Variants in COL4A1 observed in about 807,000 individuals in gnomAD.
COL4A1 encodes the protein collagen type IV alpha 1 chain.
In COL4A1, 40 loss-of-function variants were observed where a neutral mutation model predicts 216.6. The ratio of observed to expected loss-of-function variants is 0.18; its 90% CI spans 0.14 to 0.24. The LOEUF is 0.24. Ranked by LOEUF, COL4A1 falls within the 10% of genes least tolerant of loss-of-function variation. The probability of loss-of-function intolerance (pLI) is 1.00; values close to 1 mark genes in which losing one functional copy is unlikely to be tolerated. For synonymous variants in COL4A1, 839 were observed against 810.7 expected (o/e 1.03, Z -0.59); for missense variants, 1,628 against 2,196.8 (o/e 0.74, Z 5.18).
chr13:110,210,093 G>T, intron 9 of COL4A1, 36 bp downstream of exon 9: 1 of 1,613,842 alleles, frequency 6.2e-7, no homozygotes, highest in Non-Finnish European at 8.5e-7. Flanking sequence ...GGAGGGTGAG[G>T]TGGCACATGT....
Position 110,279,996 on chromosome 13 carries a change from C to T in COL4A1, c.84+26948G>A, listed in dbSNP as rs1883566907. The stretch of plus-strand genomic sequence containing the variant: ...CAGTGTCTGCACATTACTGAATTCA[C>T]TTTGATTCTCCCTTCCTGATATTCC... On this transcript the variant is annotated intron_variant, in intron 1 of 51. Coordinates refer to ENST00000375820, the MANE Select transcript of COL4A1 (RefSeq NM_001845.6). 2.0e-5 allele frequency among the ~76,000 whole-genome samples: 3 copies of T among 152,216 alleles called. No homozygotes were observed. In the South Asian group the frequency reaches 6.2e-4, roughly 31 times the overall value.
rs1879811650 is a variant in COL4A1 at position 110,211,808 on chromosome 13, A to T, written c.441+61T>A. On this transcript the variant is annotated intron_variant, in intron 7 of 51. Transcript: ENST00000375820. The surrounding 1 kb of genome is among the most constrained non-coding windows in gnomAD (Gnocchi z 4.3). ...AAAGAAAGAAAGAAAAGGAAATGGAATGAAAAGAGAGAAGTCATAACTAAA... is the reference window on the plus strand; with the variant it reads ...AAAGAAAGAAAGAAAAGGAAATGGATTGAAAAGAGAGAAGTCATAACTAAA... 6 of 1,574,088 alleles carry T rather than the reference A, an allele frequency of 3.8e-6. No homozygotes were observed. The Admixed American group carries it at 6.7e-5, about 18-fold the overall frequency.
intron 2 of COL4A1, among the ~76,000 whole-genome samples, chr13:110,218,585 A>G (rs1880209340): frequency 1.3e-5 from 2 of 152,326 alleles, no homozygotes; most frequent in African/African-American, 2.4e-5. Flanking sequence ...GAACTAGCCA[A>G]TTGCATAACA....
chr13:110,194,341 A>T (rs1878779074), intron 22 of COL4A1, among the ~76,000 whole-genome samples: 1 of 152,242 alleles, frequency 6.6e-6, no homozygotes, highest in Non-Finnish European at 1.5e-5. Context: ...GATTTGAGGG[A>T]CAGCCTCCTA....
intron 1 of COL4A1, among the ~76,000 whole-genome samples, chr13:110,251,993 T>C (rs1882092615): frequency 6.6e-6 from 1 of 152,340 alleles, no homozygotes; most frequent in Admixed American, 6.5e-5. Flanking sequence ...CAACTGGGCA[T>C]AAGTGTCTTC....
intron 1 of COL4A1, among the ~76,000 whole-genome samples, chr13:110,278,986 A>G (rs1353802425): frequency 6.6e-6 from 1 of 152,140 alleles, no homozygotes; most frequent in East Asian, 1.9e-4. Flanking sequence ...GCCCAACTTC[A>G]TCTCATCTGC....
At chr13:110,209,267 G>T in intron 11 of COL4A1, 125 bp downstream of exon 11, 1 of 762,272 alleles carries the variant, frequency 1.3e-6, no homozygotes, top group Non-Finnish European at 2.2e-6. Context: ...TAAAGGTATA[G>T]TTAGATATAG....
rs376047315 is a variant in COL4A1 at position 110,169,662 on chromosome 13, C to T, written c.3843G>A (p.Gly1281=). 3.7e-6 allele frequency: 6 copies of T among 1,613,990 alleles called. No individual in the cohort carries two copies. Among genetic ancestry groups the T allele is most frequent in the Middle Eastern group, 1.6e-4 (1 of 6,084 alleles). Residue 1281 remains glycine (G), a synonymous_variant, in exon 43 of 52, where the codon GGG becomes GGA. Coordinates refer to ENST00000375820, the MANE Select transcript of COL4A1 (RefSeq NM_001845.6). ...CCTGGAATCCAGGGTCTCCCTTGGG[C>T]CCTGGGACACCGGGTGCTCCTGGCC... is the stretch of plus-strand genomic sequence containing the variant. ...PGWPGAPGVP[G]PKGDPGFQGM...
At chr13:110,152,783 AAAG>A (rs1237451278) in intron 50 of COL4A1, among the ~76,000 whole-genome samples, 4 of 152,214 alleles carry the variant, frequency 2.6e-5, no homozygotes, top group African/African-American at 9.6e-5. Context: ...ATTAGAGTTT[AAAG>A]AAGAGCTCAC....
At chr13:110,159,110 A>C (rs1876941325) in intron 49 of COL4A1, among the ~76,000 whole-genome samples, 1 of 152,174 alleles carries the variant, frequency 6.6e-6, no homozygotes, top group East Asian at 1.9e-4. Context: ...CAGTGGTAAT[A>C]ATTTCAGTTT....
intron 1 of COL4A1, among the ~76,000 whole-genome samples, chr13:110,300,087 G>A (rs889301862): frequency 6.6e-6 from 1 of 152,228 alleles, no homozygotes; most frequent in South Asian, 2.1e-4. Flanking sequence ...TATTAGAGAT[G>A]TAATAGCCAA....
At chr13:110,180,732 G>C (rs574212692) in intron 29 of COL4A1, among the ~76,000 whole-genome samples, 1 of 152,246 alleles carries the variant, frequency 6.6e-6, no homozygotes, top group African/African-American at 2.4e-5. Context: ...TTCTCAAGCC[G>C]GGGCAATCTG....
At chr13:110,294,430 T>C (rs1884193299) in intron 1 of COL4A1, among the ~76,000 whole-genome samples, 1 of 152,234 alleles carries the variant, frequency 6.6e-6, no homozygotes, top group South Asian at 2.1e-4. Context: ...CTCCCTCCCA[T>C]TCCTCCATCT....
At chr13:110,276,263 G>T (rs1383359288) in intron 1 of COL4A1, among the ~76,000 whole-genome samples, 1 of 152,134 alleles carries the variant, frequency 6.6e-6, no homozygotes, top group Admixed American at 6.5e-5. Flanking sequence ...ACCTGCATGT[G>T]TACCACCCCA....
At chr13:110,276,906 A>C (rs1883453074) in intron 1 of COL4A1, among the ~76,000 whole-genome samples, 1 of 152,190 alleles carries the variant, frequency 6.6e-6, no homozygotes, top group Non-Finnish European at 1.5e-5. Context: ...ATATTCTAGA[A>C]GTTTTTGAAT....
At chr13:110,250,375 C>T (rs921988776) in intron 1 of COL4A1, among the ~76,000 whole-genome samples, 9 of 152,164 alleles carry the variant, frequency 5.9e-5, no homozygotes, top group East Asian at 1.9e-4. Context: ...AGAAACCACA[C>T]GCCTTGAGGA....
intron 2 of COL4A1, among the ~76,000 whole-genome samples, chr13:110,215,284 G>A (rs577376467): frequency 3.0e-4 from 18 of 60,712 alleles, no homozygotes; most frequent in African/African-American, 1.2e-3. Flanking sequence ...GGCTGGGTGC[G>A]GTGGCTCGCT....
intron 1 of COL4A1, among the ~76,000 whole-genome samples, chr13:110,294,095 G>A (rs915614260): frequency 1.3e-5 from 2 of 152,106 alleles, no homozygotes; most frequent in African/African-American, 4.8e-5. Context: ...CTGAGCTGGA[G>A]GAGACGAGCC....
intron 33 of COL4A1, 44 bp downstream of exon 33, chr13:110,177,798 G>C (rs373554283): frequency 1.3e-6 from 2 of 1,597,726 alleles, no homozygotes; most frequent in African/African-American, 2.7e-5. Flanking sequence ...GTGGCATCGA[G>C]AAATAGACAC....
Sources: allele counts gnomAD v4.1 joint callset (sites outside exome capture counted in the v4.1 genomes callset), GRCh38; gene constraint gnomAD v4.1.1; non-coding constraint Gnocchi (gnomAD v3.1); transcripts MANE v1.5; gene names NCBI Gene and HGNC (gene_info 2026-07-23, HGNC 2026-07-21).